The following NRXN3 variants were observed in gnomAD, a reference collection of about 807,000 sequenced individuals.
NRXN3 encodes the protein neurexin 3, also known as neurexin III.
In NRXN3, 32 loss-of-function variants were observed where a neutral mutation model predicts 137.6. The observed-to-expected ratio is 0.23, with a 90% CI of 0.18 to 0.31. The LOEUF is 0.31. Ranked by LOEUF, NRXN3 falls within the 10% of genes least tolerant of loss-of-function variation. The pLI is 1.00. For synonymous variants in NRXN3, 798 were observed against 784.5 expected (o/e 1.02, Z -0.29); for missense variants, 1,574 against 2,062.5 (o/e 0.76, Z 4.59).
chr14:79,480,627 G>A (rs868478466), intron 16 of NRXN3, among the ~76,000 whole-genome samples: 3 of 152,122 alleles, frequency 2.0e-5, no homozygotes, highest in Non-Finnish European at 4.4e-5. Flanking sequence ...TAATGTTATG[G>A]CTTGGATCCG....
At chr14:79,564,042 G>T (rs963416744) in intron 16 of NRXN3, among the ~76,000 whole-genome samples, 1 of 151,984 alleles carries the variant, frequency 6.6e-6, no homozygotes, top group Admixed American at 6.6e-5. Context: ...GTATGGTCAG[G>T]TGAGTCAGGC....
At chr14:79,082,045 G>GTATACATATATATGTTTCATACATATATA (rs1163274688) in intron 15 of NRXN3, among the ~76,000 whole-genome samples, 5 of 148,204 alleles carry the variant, frequency 3.4e-5, no homozygotes, top group Middle Eastern at 3.5e-3. Flanking sequence ...ATACATATGT[G>GTATACATATATATGTTTCATACATATATA]TATACATATA....
At chr14:79,410,810 CCTAGGT>C (rs1340585156) in intron 15 of NRXN3, among the ~76,000 whole-genome samples, 3 of 152,016 alleles carry the variant, frequency 2.0e-5, no homozygotes, top group Non-Finnish European at 4.4e-5. Context: ...CAACCACTGT[CCTAGGT>C]AATGCTGATA....
At chr14:79,011,047 G>A (rs1365323599) in intron 15 of NRXN3, among the ~76,000 whole-genome samples, 1 of 152,150 alleles carries the variant, frequency 6.6e-6, no homozygotes, top group Non-Finnish European at 1.5e-5. Flanking sequence ...AGGATACTTG[G>A]CAAACAGCAT....
At chr14:79,857,453 A>T (rs1603620247) in intron 20 of NRXN3, among the ~76,000 whole-genome samples, 1 of 151,992 alleles carries the variant, frequency 6.6e-6, no homozygotes, top group African/African-American at 2.4e-5. Context: ...CGATCTCCTG[A>T]CCTCATGATC....
rs1238327152 is a variant in NRXN3, at chr14:78,532,903, A to C, written c.758-112217A>C. Among the ~76,000 whole-genome samples, 3 of 151,984 alleles carry C rather than the reference A, an allele frequency of 2.0e-5. 1 individual carries two copies. In the South Asian group the frequency reaches 6.2e-4, roughly 32 times the overall value. ...TACCATTTCTGCATGTGACACCACT[A>C]TCTATCTCAGCTAGCTGTCTCAGAA... On this transcript the variant is annotated intron_variant, in intron 4 of 20. Transcript: ENST00000335750.
intron 4 of NRXN3, among the ~76,000 whole-genome samples, chr14:78,401,456 C>T (rs558925496): frequency 3.9e-5 from 6 of 152,240 alleles, no homozygotes; most frequent in African/African-American, 7.2e-5. Flanking sequence ...TGAGCCACCA[C>T]GTCTGGCCCA....
At chr14:78,858,681 G>A (rs978243502) in intron 10 of NRXN3, among the ~76,000 whole-genome samples, 2 of 152,138 alleles carry the variant, frequency 1.3e-5, no homozygotes, top group Admixed American at 6.5e-5. Context: ...AGGATTTGAC[G>A]TACGTTTAAG....
intron 15 of NRXN3, among the ~76,000 whole-genome samples, chr14:79,106,515 G>A (rs966394490): frequency 1.3e-5 from 2 of 151,690 alleles, no homozygotes; most frequent in African/African-American, 2.4e-5. Context: ...TAAAAAAAGA[G>A]CAAAACAAAG....
At chr14:79,148,229 A>G (rs1453782654) in intron 15 of NRXN3, among the ~76,000 whole-genome samples, 1 of 152,132 alleles carries the variant, frequency 6.6e-6, no homozygotes, top group Non-Finnish European at 1.5e-5. Flanking sequence ...CTGGAAGCTC[A>G]GAGGGTTCAT....
At chr14:78,926,900 A>AAT (rs1385650960) in intron 10 of NRXN3, among the ~76,000 whole-genome samples, 1 of 24,166 alleles carries the variant, frequency 4.1e-5, no homozygotes, top group Non-Finnish European at 5.8e-5. Context: ...ATATATATAT[A>AAT]ATATATATAA....
intron 16 of NRXN3, among the ~76,000 whole-genome samples, chr14:79,525,377 C>T (rs1267989340): frequency 1.3e-5 from 2 of 152,192 alleles, no homozygotes. Flanking sequence ...TAATTCCCCA[C>T]CTGCATGGAG....
intron 3 of NRXN3, among the ~76,000 whole-genome samples, chr14:78,290,828 C>A (rs1328663043): frequency 2.0e-5 from 3 of 152,146 alleles, no homozygotes; most frequent in African/African-American, 7.2e-5. Context: ...GGATGAGAGA[C>A]CTTTAACCTG....
At chr14:78,682,054 G>C (rs1313365224) in intron 6 of NRXN3, among the ~76,000 whole-genome samples, 1 of 151,992 alleles carries the variant, frequency 6.6e-6, no homozygotes, top group Non-Finnish European at 1.5e-5. Flanking sequence ...TTTTAGTAGA[G>C]ATGCGGTTTC....
intron 20 of NRXN3, chr14:79,854,305 GCTT>G (rs746517056): frequency 9.2e-5 from 22 of 239,886 alleles, no homozygotes; most frequent in Non-Finnish European, 1.4e-4. Context: ...TCCCAGAACA[GCTT>G]CTATTTTTAA....
chr14:78,968,356 A>G lies in NRXN3; in HGVS notation c.3142+10A>G, dbSNP rs745701185. 1 of 1,609,650 alleles carries G rather than the reference A, an allele frequency of 6.2e-7. No homozygotes were observed. Among genetic ancestry groups the G allele is most frequent in the South Asian group, 1.1e-5 (1 of 90,720 alleles). On this transcript the variant is annotated intron_variant, in intron 14 of 20. Coordinates refer to ENST00000335750, the MANE Select transcript of NRXN3 (RefSeq NM_001330195.2). Reference sequence around the variant, plus strand: ...GAGCGTGGCTGTGAAGGTACAACCTATTTTTTTCTTGTTAAGCTACAGCCT... The same window carrying G: ...GAGCGTGGCTGTGAAGGTACAACCTGTTTTTTTCTTGTTAAGCTACAGCCT...
At chr14:79,524,278 A>G (rs2153707062) in intron 16 of NRXN3, among the ~76,000 whole-genome samples, 1 of 152,346 alleles carries the variant, frequency 6.6e-6, no homozygotes, top group Non-Finnish European at 1.5e-5. Context: ...TAAGACAACC[A>G]GTGAAGCTTG....
chr14:79,664,748 T>C (rs2098549921), intron 17 of NRXN3, among the ~76,000 whole-genome samples: 1 of 152,134 alleles, frequency 6.6e-6, no homozygotes, highest in Admixed American at 6.5e-5. Flanking sequence ...TCCTGAATGC[T>C]GATCGTAAAA....
intron 16 of NRXN3, among the ~76,000 whole-genome samples, chr14:79,546,099 A>G (rs1375150319): frequency 6.6e-6 from 1 of 152,152 alleles, no homozygotes; most frequent in Admixed American, 6.6e-5. Flanking sequence ...GCCTTCTGCC[A>G]TGATTGTGAG....
Sources: allele counts gnomAD v4.1 joint callset (sites outside exome capture counted in the v4.1 genomes callset), GRCh38; gene constraint gnomAD v4.1.1; transcripts MANE v1.5; gene names NCBI Gene and HGNC (gene_info 2026-07-23, HGNC 2026-07-21).